The following RRAS2 variants were observed in gnomAD, a reference collection of about 807,000 sequenced individuals.
RRAS2 encodes RAS related 2.
Under a neutral mutation model 27.6 loss-of-function variants are expected in RRAS2, and 7 were observed. That is an observed-to-expected ratio of 0.25 (90% confidence interval 0.14 to 0.48). The LOEUF is 0.48. Among genes scored for constraint, RRAS2 ranks in the 20% least tolerant of loss-of-function variants. RRAS2 has a pLI of 0.99. For synonymous variants in RRAS2, 86 were observed against 90.9 expected (o/e 0.95, Z 0.31); for missense variants, 178 against 256.2 (o/e 0.69, Z 2.08).
chr11:14,317,098 T>C (rs1225981257), intron 1 of RRAS2, among the ~76,000 whole-genome samples: 1 of 152,238 alleles, frequency 6.6e-6, no homozygotes, highest in Non-Finnish European at 1.5e-5. Context: ...AAAAAGGTAC[T>C]ATGGAGGCAT....
rs1199030013 is a variant in RRAS2, at chr11:14,358,464, C to T, written c.108+299G>A. The T allele has an allele frequency of 8.9e-5, 88 of 984,848 alleles. No homozygotes were observed. The highest frequency in any genetic ancestry group is 1.0e-4 in the Non-Finnish European group (87 of 829,572). The allele number at this position is 984,848 out of a possible 1,614,324, so 61.0% of individuals were successfully genotyped here. On this transcript the variant is annotated intron_variant, in intron 1 of 5. Transcript: ENST00000256196. The surrounding 1 kb of genome is among the most constrained non-coding windows in gnomAD (Gnocchi z 5.1). The stretch of plus-strand genomic sequence containing the variant: ...CGGTGGCCCAGCCTCTCCCGGAGGT[C>T]TCTGGCCTCGGCCAGAGCAATAAGG...
upstream of RRAS2, among the ~76,000 whole-genome samples, chr11:14,363,856 C>T (rs577648084): frequency 7.3e-5 from 11 of 151,282 alleles, no homozygotes; most frequent in South Asian, 8.4e-4. Context: ...GGATCACCTG[C>T]GGTTGGGAGT....
At position 14,358,833 on chromosome 11, in the gene RRAS2, T is replaced by C; in HGVS notation, c.38A>G (p.Glu13Gly). The C allele has an allele frequency of 1.3e-6, 2 of 1,490,450 alleles. No homozygotes were observed. The highest frequency in any genetic ancestry group is 1.8e-6 in the Non-Finnish European group (2 of 1,113,752). 92.3% of individuals were successfully genotyped at this position (1,490,450 alleles called of 1,614,324 possible). The change falls in exon 1 of 6, where the codon GAG becomes GGG. Residue 13 changes from glutamate (E) to glycine (G), a missense_variant. Coordinates refer to ENST00000256196, the MANE Select transcript of RRAS2 (RefSeq NM_012250.6). The surrounding 1 kb of genome is among the most constrained non-coding windows in gnomAD (Gnocchi z 5.1). ...GCCGACCACCACGAGCCGGTACTTC[T>C]CCTGGCCGGAGCCGTCCCGCCAGCC... ...AAGWRDGSGQ[E>G]KYRLVVVGGG...
intron 1 of RRAS2, among the ~76,000 whole-genome samples, chr11:14,351,894 CA>C (rs35089298): frequency 0.16 from 17,971 of 113,170 alleles, 1,004 homozygotes; most frequent in African/African-American, 0.23. Context: ...GACTCCGTCT[CA>C]AAAAAAAAAA....
At chr11:14,333,363 TA>T (rs1489932530) in intron 1 of RRAS2, among the ~76,000 whole-genome samples, 1 of 152,196 alleles carries the variant, frequency 6.6e-6, no homozygotes, top group Non-Finnish European at 1.5e-5. Context: ...AACACTAAAC[TA>T]TACTCTAGAA....
chr11:14,292,114 T>C (rs1554945861), intron 4 of RRAS2, among the ~76,000 whole-genome samples: 1 of 152,230 alleles, frequency 6.6e-6, no homozygotes, highest in African/African-American at 2.4e-5. Flanking sequence ...TTTCAGATTT[T>C]GGAGCATTTC....
At chr11:14,295,708 A>G in intron 2 of RRAS2, 60 bp downstream of exon 2, 2 of 1,237,120 alleles carry the variant, frequency 1.6e-6, no homozygotes, top group Non-Finnish European at 2.3e-6. Context: ...GCAAAACATC[A>G]GCGCTTACTT....
At chr11:14,312,190 T>A (rs1381849408) in intron 1 of RRAS2, among the ~76,000 whole-genome samples, 1 of 151,948 alleles carries the variant, frequency 6.6e-6, no homozygotes, top group African/African-American at 2.4e-5. Flanking sequence ...AGCCTAAATA[T>A]CCCTAAGGGG....
chr11:14,351,305 G>T (rs1295854994), intron 1 of RRAS2, among the ~76,000 whole-genome samples: 1 of 152,158 alleles, frequency 6.6e-6, no homozygotes, highest in African/African-American at 2.4e-5. Flanking sequence ...GATAATCTGA[G>T]ATTTTCTTTT....
At chr11:14,287,807 G>A (rs1220904106) in intron 4 of RRAS2, among the ~76,000 whole-genome samples, 2 of 150,474 alleles carry the variant, frequency 1.3e-5, no homozygotes, top group Non-Finnish European at 3.0e-5. Context: ...GGGAGGTGGA[G>A]GTTGCACTGA....
At chr11:14,364,437 T>C (rs1554956494) in exon 1 of RRAS2, 4 of 1,529,280 alleles carry the variant, frequency 2.6e-6, no homozygotes, top group Non-Finnish European at 2.6e-6. Flanking sequence ...TAATGGGCCA[T>C]TGCTTTTAAT....
At chr11:14,338,846 AG>A (rs1240694184) in intron 1 of RRAS2, among the ~76,000 whole-genome samples, 4 of 152,120 alleles carry the variant, frequency 2.6e-5, no homozygotes, top group African/African-American at 7.2e-5. Context: ...CACAATAGAA[AG>A]GGGTTCTTGG....
At chr11:14,294,915 C>A in intron 2 of RRAS2, 53 bp from the exon 3 acceptor site, 1 of 1,507,442 alleles carries the variant, frequency 6.6e-7, no homozygotes, top group South Asian at 1.1e-5. Flanking sequence ...AACTGCTTCC[C>A]CACAAGGGCA....
chr11:14,292,405 C>T (rs1181379247), intron 4 of RRAS2, among the ~76,000 whole-genome samples: 1 of 152,096 alleles, frequency 6.6e-6, no homozygotes, highest in Non-Finnish European at 1.5e-5. Context: ...AGGCAAAAGT[C>T]AGCGAGAGAT....
At chr11:14,306,988 C>T (rs560923115) in intron 1 of RRAS2, among the ~76,000 whole-genome samples, 2 of 151,262 alleles carry the variant, frequency 1.3e-5, no homozygotes, top group South Asian at 4.2e-4. Flanking sequence ...GTCAGGAGTT[C>T]AAGACCAGCC....
chr11:14,308,791 C>A (rs933245953), intron 1 of RRAS2, among the ~76,000 whole-genome samples: 1 of 152,132 alleles, frequency 6.6e-6, no homozygotes, highest in African/African-American at 2.4e-5. Flanking sequence ...ATGTGAACTA[C>A]TGCACACAGA....
chr11:14,340,242 G>A (rs1029302290), intron 1 of RRAS2, among the ~76,000 whole-genome samples: 18 of 151,626 alleles, frequency 1.2e-4, no homozygotes, highest in African/African-American at 4.1e-4. Context: ...GATTACAGGC[G>A]CACCCCACCA....
At chr11:14,309,141 C>T (rs1422888875) in intron 1 of RRAS2, among the ~76,000 whole-genome samples, 3 of 152,158 alleles carry the variant, frequency 2.0e-5, no homozygotes, top group Non-Finnish European at 4.4e-5. Flanking sequence ...TAGACTGTTA[C>T]TTCCATTTTC....
chr11:14,314,269 T>G (rs1848042655), intron 1 of RRAS2, among the ~76,000 whole-genome samples: 1 of 152,234 alleles, frequency 6.6e-6, no homozygotes, highest in Non-Finnish European at 1.5e-5. Flanking sequence ...AATTTTAACA[T>G]AAGCCTTATA....
Sources: allele counts gnomAD v4.1 joint callset (sites outside exome capture counted in the v4.1 genomes callset), GRCh38; gene constraint gnomAD v4.1.1; non-coding constraint Gnocchi (gnomAD v3.1); transcripts MANE v1.5; gene names NCBI Gene and HGNC (gene_info 2026-07-23, HGNC 2026-07-21).